The following PRKCZ variants were observed in gnomAD, a reference collection of about 807,000 sequenced individuals.
PRKCZ encodes the protein protein kinase C zeta type.
Under a neutral mutation model 79.5 loss-of-function variants are expected in PRKCZ, and 33 were observed. The ratio of observed to expected loss-of-function variants is 0.41; its 90% CI spans 0.31 to 0.55. PRKCZ has a LOEUF of 0.55. Among genes scored for constraint, PRKCZ ranks in the 20% least tolerant of loss-of-function variants. The pLI, the probability that PRKCZ is intolerant of heterozygous loss-of-function variation, is 0.19. For missense variants in PRKCZ, 578 were observed against 813.5 expected, an observed-to-expected ratio of 0.71 and a Z score of 3.52; for synonymous variants, 342 against 320.9, an observed-to-expected ratio of 1.07 and a Z score of -0.70.
chr1:2,160,707 G>T (rs896510711), intron 10 of PRKCZ, among the ~76,000 whole-genome samples: 2 of 152,146 alleles, frequency 1.3e-5, no homozygotes, highest in South Asian at 2.1e-4. Flanking sequence ...GCCTTAGGGG[G>T]TGGGGAGGAG....
At chr1:2,077,857 A>C (rs1662730001) in intron 4 of PRKCZ, among the ~76,000 whole-genome samples, 1 of 152,072 alleles carries the variant, frequency 6.6e-6, no homozygotes, top group Non-Finnish European at 1.5e-5. Flanking sequence ...CATCCTCCTG[A>C]TGGAGTTATG....
At chr1:2,121,658 G>GGTA in intron 4 of PRKCZ, among the ~76,000 whole-genome samples, 1 of 14,732 alleles carries the variant, frequency 6.8e-5, no homozygotes, top group African/African-American at 2.7e-4. Context: ...TCACGGTGGT[G>GGTA]GTTAGGGTCG....
intron 4 of PRKCZ, among the ~76,000 whole-genome samples, chr1:2,103,380 G>T (rs1667828376): frequency 6.6e-6 from 1 of 151,278 alleles, no homozygotes; most frequent in African/African-American, 2.5e-5. Flanking sequence ...TTATTTATCA[G>T]TTCAAGACAC....
chr1:2,105,453 G>A (rs1418348823), intron 4 of PRKCZ, among the ~76,000 whole-genome samples: 8 of 152,212 alleles, frequency 5.3e-5, no homozygotes, highest in Admixed American at 2.0e-4. Flanking sequence ...AGGCTGGAGT[G>A]CAGTGGCGTG....
At position 2,144,266 on chromosome 1, in the gene PRKCZ, C is replaced by T; in HGVS notation, c.477C>T (p.Tyr159=). ...TATGGGGCCTCGCGAGGCAAGGCTA[C>T]AGGTGCATCAACTGCAAACTGCTGG... ...ERIWGLARQG[Y]RCINCKLLVH... The change falls in exon 6 of 18, where the codon TAC becomes TAT. Residue 159 remains tyrosine (Y), a synonymous_variant. Transcript: ENST00000378567. 1 of 1,560,696 alleles carries T rather than the reference C, an allele frequency of 6.4e-7. No homozygotes were observed. Among genetic ancestry groups the T allele is most frequent in the Non-Finnish European group, 8.7e-7 (1 of 1,151,290 alleles).
chr1:2,058,085 T>C (rs1660344773), intron 3 of PRKCZ, among the ~76,000 whole-genome samples: 1 of 152,188 alleles, frequency 6.6e-6, no homozygotes. Flanking sequence ...GCCAAGATGG[T>C]CTCGATCTCC....
At chr1:2,180,853 C>T (rs1012955891) in intron 16 of PRKCZ, among the ~76,000 whole-genome samples, 1 of 152,198 alleles carries the variant, frequency 6.6e-6, no homozygotes, top group African/African-American at 2.4e-5. Flanking sequence ...GCAGGGCTCA[C>T]CGTCATCACC....
chr1:2,148,321 C>T (rs1183267694), intron 7 of PRKCZ, among the ~76,000 whole-genome samples: 2 of 152,180 alleles, frequency 1.3e-5, no homozygotes, highest in Non-Finnish European at 2.9e-5. Context: ...CTATTGTCCA[C>T]TGACCTCTCC....
At chr1:2,088,519 A>G (rs1282906257) in intron 4 of PRKCZ, among the ~76,000 whole-genome samples, 1 of 152,090 alleles carries the variant, frequency 6.6e-6, no homozygotes, top group Non-Finnish European at 1.5e-5. Flanking sequence ...GTGGCGAGTG[A>G]TTGCCGCGTG....
At chr1:2,051,903 C>T (rs1458135982) in intron 1 of PRKCZ, among the ~76,000 whole-genome samples, 1 of 152,172 alleles carries the variant, frequency 6.6e-6, no homozygotes, top group Non-Finnish European at 1.5e-5. Flanking sequence ...CACCTGGAAC[C>T]TTCGGGGTGC....
In PRKCZ at chr1:2,083,056, G is replaced by A. The variant is rs767605495; in HGVS notation, c.334+23465G>A. Among the ~76,000 whole-genome samples, 4 of 152,202 alleles carry A rather than the reference G, an allele frequency of 2.6e-5. No homozygotes were observed. The South Asian group carries it at 8.3e-4, about 32-fold the overall frequency. On this transcript the variant is annotated intron_variant, in intron 4 of 17. Transcript: ENST00000378567. ...ACAGGAAGTTACATTTAGGGCGGCT[G>A]TACAGTGAGTTTTAAATACCTTGGT...
At chr1:2,133,458 T>C (rs1675429886) in intron 4 of PRKCZ, among the ~76,000 whole-genome samples, 1 of 136,940 alleles carries the variant, frequency 7.3e-6, no homozygotes, top group Non-Finnish European at 1.5e-5. Context: ...TTCCCTCAGC[T>C]CTACCCCCAG....
rs938653245 is a variant in PRKCZ, at chr1:2,178,105, G to A, written c.1575+2792G>A. Among the ~76,000 whole-genome samples the A allele has an allele frequency of 2.7e-4, 41 of 152,136 alleles. No individual in the cohort carries two copies. Among genetic ancestry groups the A allele is most frequent in the African/African-American group, 8.9e-4 (37 of 41,428 alleles). On this transcript the variant is annotated intron_variant, in intron 16 of 17. Coordinates refer to ENST00000378567, the MANE Select transcript of PRKCZ (RefSeq NM_002744.6). The surrounding 1 kb of genome is among the most constrained non-coding windows in gnomAD (Gnocchi z 4.3). The stretch of plus-strand genomic sequence containing the variant: ...AAGGTCCTCCTCCCATTCACCCAAC[G>A]CCTGCAACTCAGTGGTTCTGAGCAA...
intron 5 of PRKCZ, among the ~76,000 whole-genome samples, chr1:2,139,787 A>C (rs1473645193): frequency 6.6e-6 from 1 of 152,144 alleles, no homozygotes. Flanking sequence ...GTGTATGGGG[A>C]AGATCAGCTC....
chr1:2,134,936 G>A (rs923086639), intron 4 of PRKCZ: 2 of 194,952 alleles, frequency 1.0e-5, no homozygotes, highest in Non-Finnish European at 2.1e-5. Flanking sequence ...AGACGGACCC[G>A]GCCTGCGTTG....
chr1:2,068,074 T>C (rs933664883), intron 4 of PRKCZ, among the ~76,000 whole-genome samples: 24 of 151,992 alleles, frequency 1.6e-4, no homozygotes, highest in African/African-American at 5.8e-4. Context: ...GAGCCACATC[T>C]GCTGTGAGAG....
chr1:2,160,238 CGTGTGT>C (rs56068331), intron 10 of PRKCZ, among the ~76,000 whole-genome samples: 2,222 of 146,334 alleles, frequency 0.015, 25 homozygotes, highest in Non-Finnish European at 0.021. Context: ...CAGCAGTGTG[CGTGTGT>C]GTGTGTGTGT....
chr1:2,100,214 G>T (rs1245635721), intron 4 of PRKCZ, among the ~76,000 whole-genome samples: 1 of 152,246 alleles, frequency 6.6e-6, no homozygotes, highest in Non-Finnish European at 1.5e-5. Flanking sequence ...TTTTGCAGTG[G>T]TAGAGGTTGT....
intron 4 of PRKCZ, among the ~76,000 whole-genome samples, chr1:2,096,453 G>A (rs1666532043): frequency 1.3e-5 from 2 of 152,094 alleles, no homozygotes; most frequent in South Asian, 2.1e-4. Flanking sequence ...TGGTGTAGAC[G>A]CCAGGAACGC....
Sources: allele counts gnomAD v4.1 joint callset (sites outside exome capture counted in the v4.1 genomes callset), GRCh38; gene constraint gnomAD v4.1.1; non-coding constraint Gnocchi (gnomAD v3.1); transcripts MANE v1.5; gene names NCBI Gene and HGNC (gene_info 2026-07-23, HGNC 2026-07-21).